Variants in SLC14A2 observed in about 807,000 individuals in gnomAD.
SLC14A2 encodes the protein solute carrier family 14 member 2, also known as urea transporter 2.
In SLC14A2, 91 loss-of-function variants were observed where a neutral mutation model predicts 104.6. The observed-to-expected ratio is 0.87, with a 90% CI of 0.73 to 1.04. SLC14A2 has a LOEUF of 1.04. SLC14A2 is among the 50% of genes least tolerant of loss of function. The probability of loss-of-function intolerance (pLI) is 0.00; values close to 1 mark genes in which losing one functional copy is unlikely to be tolerated. For missense variants in SLC14A2, 1,189 were observed against 1,156.0 expected (o/e 1.03, Z -0.41); for synonymous variants, 476 against 466.4 (o/e 1.02, Z -0.27).
At chr18:45,537,479 A>C (rs2043811748) in intron 2 of SLC14A2, among the ~76,000 whole-genome samples, 1 of 152,176 alleles carries the variant, frequency 6.6e-6, no homozygotes, top group Non-Finnish European at 1.5e-5. Flanking sequence ...ACAAAGCCCT[A>C]AAGTGGCAGT....
chr18:45,175,188 TTGTTTG>T, the SLC14A2 span, among the ~76,000 whole-genome samples: 1 of 152,292 alleles, frequency 6.6e-6, no homozygotes, highest in South Asian at 2.1e-4. Context: ...AATTGCAGCC[TTGTTTG>T]TAATAGCAAA....
chr18:45,604,879 A>G (rs369278775), intron 2 of SLC14A2, among the ~76,000 whole-genome samples: 14 of 152,290 alleles, frequency 9.2e-5, no homozygotes, highest in Admixed American at 7.2e-4. Flanking sequence ...TTACTTTTAC[A>G]GTGTAGGTGG....
chr18:45,342,468 C>T (rs1055928033), intron 1 of SLC14A2, among the ~76,000 whole-genome samples: 4 of 152,118 alleles, frequency 2.6e-5, no homozygotes, highest in Non-Finnish European at 2.9e-5. Context: ...AGGGCAGAGA[C>T]GTGAACACGG....
intron 1 of SLC14A2, among the ~76,000 whole-genome samples, chr18:45,230,940 T>C (rs573635640): frequency 6.6e-6 from 1 of 152,210 alleles, no homozygotes; most frequent in Non-Finnish European, 1.5e-5. Flanking sequence ...AAATATTTTT[T>C]GAGCCCAGGT....
chr18:45,600,387 C>A (rs1214725544), intron 2 of SLC14A2, among the ~76,000 whole-genome samples: 1 of 152,136 alleles, frequency 6.6e-6, no homozygotes, highest in Non-Finnish European at 1.5e-5. Context: ...AACACACACA[C>A]CAGCCATCAG....
intron 1 of SLC14A2, among the ~76,000 whole-genome samples, chr18:45,228,164 A>G (rs2084138449): frequency 6.6e-6 from 1 of 152,192 alleles, no homozygotes; most frequent in Non-Finnish European, 1.5e-5. Flanking sequence ...AGGATGTGGG[A>G]TGATTTAGTA....
At chr18:45,485,718 A>G (rs1204601200) in intron 2 of SLC14A2, among the ~76,000 whole-genome samples, 1 of 152,042 alleles carries the variant, frequency 6.6e-6, no homozygotes, top group Non-Finnish European at 1.5e-5. Context: ...AGCTAACTTT[A>G]GTGAATAATT....
upstream of SLC14A2, among the ~76,000 whole-genome samples, chr18:45,210,591 C>G (rs1003171323): frequency 2.6e-5 from 4 of 152,210 alleles, no homozygotes; most frequent in African/African-American, 9.6e-5. Flanking sequence ...GAAAGTAAAG[C>G]TGAGTATTGT....
chr18:45,414,912 G>A (rs1039087038), intron 1 of SLC14A2, among the ~76,000 whole-genome samples: 1 of 150,942 alleles, frequency 6.6e-6, no homozygotes, highest in Non-Finnish European at 1.5e-5. Context: ...AGTGCCCAGT[G>A]TGTTAATTTA....
At chr18:45,270,779 A>T (rs545181097) in intron 1 of SLC14A2, among the ~76,000 whole-genome samples, 1 of 152,258 alleles carries the variant, frequency 6.6e-6, no homozygotes, top group African/African-American at 2.4e-5. Flanking sequence ...GAAAAATCAG[A>T]TTCAGGTAAA....
intron 1 of SLC14A2, among the ~76,000 whole-genome samples, chr18:45,374,189 A>G (rs1046507064): frequency 2.0e-5 from 3 of 152,198 alleles, no homozygotes; most frequent in African/African-American, 7.2e-5. Flanking sequence ...GAGGCCCACA[A>G]AAAGATATGC....
chr18:45,609,933 T>C (rs1235543149), intron 2 of SLC14A2, among the ~76,000 whole-genome samples: 1 of 152,226 alleles, frequency 6.6e-6, no homozygotes, highest in Non-Finnish European at 1.5e-5. Context: ...AGATGCAGGA[T>C]GCAAATGGCA....
At chr18:45,312,753 A>G (rs1017627873) in intron 1 of SLC14A2, among the ~76,000 whole-genome samples, 1 of 152,230 alleles carries the variant, frequency 6.6e-6, no homozygotes, top group Non-Finnish European at 1.5e-5. Context: ...AGAGCGTGAA[A>G]TAAACAATGT....
upstream of SLC14A2, among the ~76,000 whole-genome samples, chr18:45,614,350 G>A (rs1157131923): frequency 6.6e-6 from 1 of 152,246 alleles, no homozygotes; most frequent in Non-Finnish European, 1.5e-5. Flanking sequence ...CTAGGGCAGT[G>A]CAGAAGGGAA....
chr18:45,501,324 G>A (rs1410734600), intron 2 of SLC14A2, among the ~76,000 whole-genome samples: 1 of 152,208 alleles, frequency 6.6e-6, no homozygotes, highest in Admixed American at 6.5e-5. Context: ...TGATTATGAT[G>A]AGGGCCACAA....
chr18:45,516,792 C>G (rs1447833280), intron 2 of SLC14A2, among the ~76,000 whole-genome samples: 1 of 152,150 alleles, frequency 6.6e-6, no homozygotes, highest in African/African-American at 2.4e-5. Flanking sequence ...GCATTGGCTC[C>G]AAGGAGCTCA....
At chr18:45,241,128 G>A (rs980166646) in intron 1 of SLC14A2, among the ~76,000 whole-genome samples, 1 of 152,204 alleles carries the variant, frequency 6.6e-6, no homozygotes, top group Non-Finnish European at 1.5e-5. Context: ...AAAGTGCAGA[G>A]CAGCAACTCC....
intron 2 of SLC14A2, among the ~76,000 whole-genome samples, chr18:45,571,533 G>T (rs1036102456): frequency 2.0e-5 from 3 of 152,206 alleles, no homozygotes; most frequent in Non-Finnish European, 2.9e-5. Context: ...AAAAATAAAC[G>T]TGATCATTAT....
intron 1 of SLC14A2, among the ~76,000 whole-genome samples, chr18:45,618,696 A>C (rs557989816): frequency 0.022 from 3,216 of 144,436 alleles, 149 homozygotes; most frequent in African/African-American, 0.082. Flanking sequence ...AAAAAAAAAA[A>C]AAGAAGTAGT....
Sources: gnomAD v4.1 joint callset for allele counts (sites outside exome capture counted in the v4.1 genomes callset) on GRCh38, gnomAD v4.1.1 for gene constraint, MANE v1.5 for transcripts, NCBI Gene and HGNC (gene_info 2026-07-23, HGNC 2026-07-21) for gene names.